The following EDA variants were observed in gnomAD, a reference collection of about 807,000 sequenced individuals.
EDA encodes ectodysplasin-A.
Under a neutral mutation model 23.6 loss-of-function variants are expected in EDA, and 2 were observed. The observed-to-expected ratio is 0.08, with a 90% confidence interval of 0.03 to 0.27. EDA has a LOEUF of 0.27. Among genes scored for constraint, EDA ranks in the 10% least tolerant of loss-of-function variants. The pLI is 1.00. For synonymous variants in EDA, 131 were observed against 132.0 expected, an observed-to-expected ratio of 0.99 and a Z score of 0.05; for missense variants, 229 against 324.2, an observed-to-expected ratio of 0.71 and a Z score of 2.26.
At chrX:69,787,651 C>T (rs2015240637) in intron 1 of EDA, among the ~76,000 whole-genome samples, 5 of 111,383 alleles carry the variant, frequency 4.5e-5, no homozygotes, top group South Asian at 3.8e-4. Context: ...GAGTTTCTGC[C>T]GAGAGATCCG....
intron 1 of EDA, among the ~76,000 whole-genome samples, chrX:69,863,527 GTGTGTATATATATATATACATATA>G (rs200802362): frequency 6.8e-5 from 2 of 29,261 alleles, no homozygotes; most frequent in South Asian, 1.1e-3. Context: ...ATATATATGT[GTGTGTATATATATATATACATATA>G]TGTATATATA....
chrX:69,752,377 G>A (rs1431593705), intron 1 of EDA, among the ~76,000 whole-genome samples: 3 of 111,726 alleles, frequency 2.7e-5, no homozygotes, highest in Non-Finnish European at 3.8e-5. Context: ...GCTGAATTAC[G>A]TTTATTGATT....
chrX:69,779,408 G>A lies in EDA; in HGVS notation c.396+162704G>A, dbSNP rs2014876625. ...AATAAACCTCTTAAACATCCCAAGT[G>A]AAAAGAGCCAGACACAAAATGTCAC... On this transcript the variant is annotated intron_variant, in intron 1 of 7. Coordinates refer to ENST00000374552, the MANE Select transcript of EDA (RefSeq NM_001399.5). Among the ~76,000 whole-genome samples, 3 of 111,303 alleles carry A rather than the reference G, an allele frequency of 2.7e-5. No individual in the cohort carries two copies. The Admixed American group carries it at 2.9e-4, about 11-fold the overall frequency.
chrX:70,025,616 C>T (rs2020097081), intron 3 of EDA, among the ~76,000 whole-genome samples: 1 of 112,060 alleles, frequency 8.9e-6, no homozygotes, highest in South Asian at 3.8e-4. Flanking sequence ...ACATCCTTAT[C>T]TCCTGAGTAC....
At chrX:69,894,555 A>G (rs766581992) in intron 1 of EDA, among the ~76,000 whole-genome samples, 5 of 111,654 alleles carry the variant, frequency 4.5e-5, no homozygotes, top group Non-Finnish European at 9.4e-5. Context: ...ATGTTTTTCC[A>G]TTTGTTTATG....
At chrX:69,888,512 T>TAA (rs775696765) in intron 1 of EDA, among the ~76,000 whole-genome samples, 13 of 95,309 alleles carry the variant, frequency 1.4e-4, no homozygotes, top group Admixed American at 5.8e-4. Context: ...CGAATGGATT[T>TAA]AAAAAAAAAA....
intron 1 of EDA, among the ~76,000 whole-genome samples, chrX:69,859,590 T>C (rs903007360): frequency 9.2e-6 from 1 of 108,915 alleles, no homozygotes; most frequent in African/African-American, 3.3e-5. Flanking sequence ...CAGGATATTC[T>C]TTTGTTATGA....
chrX:70,029,741 G>A (rs1353464841), intron 5 of EDA, among the ~76,000 whole-genome samples: 2 of 112,646 alleles, frequency 1.8e-5, no homozygotes, highest in Non-Finnish European at 3.8e-5. Context: ...TAAGGAAAGG[G>A]TGTCTTGCCA....
chrX:70,031,268 T>G (rs1256549952), intron 6 of EDA, among the ~76,000 whole-genome samples: 1 of 112,367 alleles, frequency 8.9e-6, no homozygotes, highest in Non-Finnish European at 1.9e-5. Flanking sequence ...CTTAGTCAAG[T>G]TAGTTTAGGA....
In EDA at chrX:69,928,138, G is replaced by A. The variant is rs956008399; in HGVS notation, c.397-28889G>A. Among the ~76,000 whole-genome samples, 7 of 110,628 alleles carry A rather than the reference G, an allele frequency of 6.3e-5. 1 individual carries two copies. The highest frequency in any genetic ancestry group is 1.1e-4 in the Non-Finnish European group (6 of 52,793). ...TTAACCCTTTTGTACATACTATTCCGTCTGTCTAGGATACCCCTTCAGTTC... is the reference window on the plus strand; with the variant it reads ...TTAACCCTTTTGTACATACTATTCCATCTGTCTAGGATACCCCTTCAGTTC... On this transcript the variant is annotated intron_variant, in intron 1 of 7. Transcript: ENST00000374552.
At chrX:69,690,798 T>C (rs1192547986) in intron 1 of EDA, among the ~76,000 whole-genome samples, 1 of 112,052 alleles carries the variant, frequency 8.9e-6, no homozygotes, top group Non-Finnish European at 1.9e-5. Flanking sequence ...TTATTACAAA[T>C]TCAATCACTT....
At chrX:69,659,475 T>C (rs1482340533) in intron 1 of EDA, among the ~76,000 whole-genome samples, 1 of 111,569 alleles carries the variant, frequency 9.0e-6, no homozygotes, top group Middle Eastern at 4.2e-3. Flanking sequence ...ATAAATATAA[T>C]CAACAATGTG....
chrX:69,790,098 T>G lies in EDA; in HGVS notation c.397-166929T>G, dbSNP rs935600188. On this transcript the variant is annotated intron_variant, in intron 1 of 7. Coordinates refer to ENST00000374552, the MANE Select transcript of EDA (RefSeq NM_001399.5). Reference sequence around the variant, plus strand: ...AAATTATCCAATTCTTAACAAATCCTAATAGCTCAGAATATCCATACTGTT... The same window carrying G: ...AAATTATCCAATTCTTAACAAATCCGAATAGCTCAGAATATCCATACTGTT... Among the ~76,000 whole-genome samples, 5 of 111,797 alleles carry G rather than the reference T, an allele frequency of 4.5e-5. No homozygotes were observed. In the Admixed American group the frequency reaches 4.8e-4, roughly 11 times the overall value.
At chrX:69,819,837 T>A (rs1255185427) in intron 1 of EDA, among the ~76,000 whole-genome samples, 1 of 106,451 alleles carries the variant, frequency 9.4e-6, no homozygotes, top group African/African-American at 3.5e-5. Flanking sequence ...CTATTCTCGT[T>A]AAACTACCAC....
chrX:69,874,077 G>A lies in EDA; in HGVS notation c.397-82950G>A, dbSNP rs751673087. On this transcript the variant is annotated intron_variant, in intron 1 of 7. Coordinates refer to ENST00000374552, the MANE Select transcript of EDA (RefSeq NM_001399.5). ...TGTAATCCCAACACTTTGGGAGGCC[G>A]AGGCAGGCGGATCACCTGAGGTCGG... is the stretch of plus-strand genomic sequence containing the variant. Among the ~76,000 whole-genome samples, 10 of 111,965 alleles carry A rather than the reference G, an allele frequency of 8.9e-5. No individual in the cohort carries two copies. In the South Asian group the frequency reaches 1.5e-3, roughly 17 times the overall value.
intron 1 of EDA, among the ~76,000 whole-genome samples, chrX:69,847,544 G>A (rs2017034770): frequency 9.0e-6 from 1 of 111,393 alleles, no homozygotes. Flanking sequence ...ATATGTAAGT[G>A]CATATATACA....
At chrX:69,788,970 C>T (rs1200444654) in intron 1 of EDA, among the ~76,000 whole-genome samples, 1 of 112,779 alleles carries the variant, frequency 8.9e-6, no homozygotes, top group East Asian at 2.8e-4. Flanking sequence ...ACCCTCCGAG[C>T]CAGGTGCGGG....
intron 1 of EDA, among the ~76,000 whole-genome samples, chrX:69,876,093 C>A (rs752784850): frequency 8.9e-6 from 1 of 111,853 alleles, no homozygotes; most frequent in Admixed American, 9.5e-5. Context: ...CCTTAAAGAA[C>A]TAAAAGTAGA....
At chrX:69,814,795 A>G (rs2016039764) in intron 1 of EDA, among the ~76,000 whole-genome samples, 1 of 111,483 alleles carries the variant, frequency 9.0e-6, no homozygotes, top group East Asian at 2.8e-4. Flanking sequence ...TGATTGTGCA[A>G]CCCCACACAA....
Sources: gnomAD v4.1 joint callset for allele counts (sites outside exome capture counted in the v4.1 genomes callset) on GRCh38, gnomAD v4.1.1 for gene constraint, MANE v1.5 for transcripts, NCBI Gene and HGNC (gene_info 2026-07-23, HGNC 2026-07-21) for gene names.